Variants in WARS2 observed in about 807,000 individuals in gnomAD.
The protein encoded by WARS2 is tryptophan--tRNA ligase, mitochondrial.
WARS2 carries 28 observed loss-of-function variants against 36.5 expected under a neutral mutation model. The ratio of observed to expected loss-of-function variants is 0.77; its 90% CI spans 0.57 to 1.05. The LOEUF is 1.05. Among genes scored for constraint, WARS2 ranks in the 50% least tolerant of loss-of-function variants. The probability of loss-of-function intolerance (pLI) is 0.00; values close to 1 mark genes in which losing one functional copy is unlikely to be tolerated. For missense variants in WARS2, 435 were observed against 456.8 expected (o/e 0.95, Z 0.44); for synonymous variants, 174 against 178.4 (o/e 0.98, Z 0.20).
At chr1:119,117,826 A>C (rs1363098046) in intron 1 of WARS2, among the ~76,000 whole-genome samples, 5 of 152,106 alleles carry the variant, frequency 3.3e-5, no homozygotes, top group Admixed American at 3.3e-4. Flanking sequence ...CCAGAAAAGC[A>C]ATAACAATAA....
At chr1:119,092,019 G>A (rs922185620) in intron 1 of WARS2, among the ~76,000 whole-genome samples, 14 of 152,156 alleles carry the variant, frequency 9.2e-5, no homozygotes, top group Admixed American at 3.3e-4. Context: ...TAAACTGCCC[G>A]GTTTGAACTA....
intron 2 of WARS2, among the ~76,000 whole-genome samples, chr1:119,070,874 A>G (rs752288255): frequency 5.9e-5 from 9 of 152,126 alleles, no homozygotes; most frequent in Non-Finnish European, 1.2e-4. Flanking sequence ...CACACTTGTT[A>G]AAATGACTAT....
At chr1:119,056,186 ATTT>A (rs751264352) in intron 2 of WARS2, among the ~76,000 whole-genome samples, 1 of 116,170 alleles carries the variant, frequency 8.6e-6, no homozygotes, top group Non-Finnish European at 1.7e-5. Context: ...TGCCTGGCTA[ATTT>A]TTTTTTTTTT....
Position 119,042,170 on chromosome 1 carries a change from C to T in WARS2, c.515+94G>A, listed in dbSNP as rs181825950. On this transcript the variant is annotated intron_variant, in intron 4 of 5. Transcript: ENST00000235521. Reference sequence around the variant, plus strand: ...CAGATGTCTGACGCTTTCTGCACTTCCCCTTGCCCATGAACCAAGTCTGTA... The same window carrying T: ...CAGATGTCTGACGCTTTCTGCACTTTCCCTTGCCCATGAACCAAGTCTGTA... 5.2e-5 allele frequency: 59 copies of T among 1,132,276 alleles called. 1 individual carries two copies. The East Asian group carries it at 1.3e-3, about 24-fold the overall frequency. The allele number at this position is 1,132,276 out of a possible 1,614,324, so 70.1% of individuals were successfully genotyped here.
At chr1:119,107,732 G>A (rs962179452) in intron 1 of WARS2, among the ~76,000 whole-genome samples, 4 of 151,948 alleles carry the variant, frequency 2.6e-5, no homozygotes, top group Non-Finnish European at 4.4e-5. Flanking sequence ...GTTGAAAAGG[G>A]GTGGTGACAT....
At chr1:119,042,885 C>T (rs141335058) in intron 3 of WARS2, among the ~76,000 whole-genome samples, 2 of 152,258 alleles carry the variant, frequency 1.3e-5, no homozygotes, top group African/African-American at 4.8e-5. Flanking sequence ...GAGAAATATT[C>T]ATCTAACCAA....
rs1571355692 is a variant in WARS2 at position 119,099,224 on chromosome 1, G to A, written c.91-22617C>T. ...CACATACCCCACGAGACACCCAAGA[G>A]CACTCCTAATTCAGCAAGGACAGAA... On this transcript the variant is annotated intron_variant, in intron 1 of 5. Coordinates refer to ENST00000235521, the MANE Select transcript of WARS2 (RefSeq NM_015836.4). Among the ~76,000 whole-genome samples the A allele has an allele frequency of 2.0e-5, 3 of 152,220 alleles. 1 individual carries two copies. The South Asian group carries it at 6.2e-4, about 32-fold the overall frequency.
At chr1:119,120,400 A>G (rs1655253513) in intron 1 of WARS2, among the ~76,000 whole-genome samples, 1 of 152,000 alleles carries the variant, frequency 6.6e-6, no homozygotes, top group South Asian at 2.1e-4. Flanking sequence ...TGAGATTGAA[A>G]CAGTAATAAA....
chr1:119,053,582 C>A (rs1485843898), intron 2 of WARS2, among the ~76,000 whole-genome samples: 2 of 151,980 alleles, frequency 1.3e-5, no homozygotes, highest in East Asian at 3.9e-4. Context: ...TTTGATAGCC[C>A]CAGGAACTTA....
At chr1:119,078,507 T>C (rs1651911459) in intron 1 of WARS2, among the ~76,000 whole-genome samples, 1 of 152,200 alleles carries the variant, frequency 6.6e-6, no homozygotes, top group African/African-American at 2.4e-5. Context: ...GTATTAGCAG[T>C]CTTTTTATTT....
At chr1:119,140,296 C>T (rs1290575710) in intron 1 of WARS2, 1 of 359,014 alleles carries the variant, frequency 2.8e-6, no homozygotes, top group African/African-American at 2.1e-5. Context: ...CGGCGGCGCT[C>T]CGCTCCCAGA....
intron 1 of WARS2, among the ~76,000 whole-genome samples, chr1:119,104,344 A>C (rs1389286553): frequency 6.6e-6 from 1 of 151,258 alleles, no homozygotes; most frequent in Non-Finnish European, 1.5e-5. Context: ...CCTTTTGAGA[A>C]TCATATAACA....
intron 4 of WARS2, among the ~76,000 whole-genome samples, chr1:119,036,490 C>T (rs997290622): frequency 2.0e-5 from 3 of 152,176 alleles, no homozygotes; most frequent in Non-Finnish European, 2.9e-5. Context: ...GTGAGGCTGA[C>T]ATGCAGAGGT....
intron 1 of WARS2, among the ~76,000 whole-genome samples, chr1:119,102,516 T>C (rs1425693607): frequency 6.6e-6 from 1 of 152,242 alleles, no homozygotes; most frequent in Non-Finnish European, 1.5e-5. Context: ...TTCTGTGTTC[T>C]TCAGAATATT....
intron 1 of WARS2, among the ~76,000 whole-genome samples, chr1:119,091,602 G>A (rs990902671): frequency 2.6e-5 from 4 of 152,136 alleles, no homozygotes; most frequent in African/African-American, 9.7e-5. Context: ...CACTGCTCAC[G>A]CTAAAGATAA....
At chr1:119,061,338 A>G (rs1650361024) in intron 2 of WARS2, among the ~76,000 whole-genome samples, 1 of 152,238 alleles carries the variant, frequency 6.6e-6, no homozygotes, top group Non-Finnish European at 1.5e-5. Flanking sequence ...GAATAAACAG[A>G]TAGAAAATCT....
At chr1:119,045,769 A>G (rs1312160310) in intron 2 of WARS2, 107 bp from the exon 3 acceptor site, 5 of 898,726 alleles carry the variant, frequency 5.6e-6, no homozygotes, top group African/African-American at 1.7e-5. Context: ...ACCCCAAATT[A>G]AGGTTATTAT....
intron 2 of WARS2, among the ~76,000 whole-genome samples, chr1:119,073,560 A>G (rs1338024113): frequency 2.6e-5 from 4 of 152,354 alleles, no homozygotes; most frequent in African/African-American, 4.8e-5. Context: ...CAGGAGGTGA[A>G]TTATAAAACA....
intron 1 of WARS2, among the ~76,000 whole-genome samples, chr1:119,135,715 C>CAGATAGATAGATAGATAGAT (rs113027169): frequency 6.8e-6 from 1 of 146,966 alleles, no homozygotes; most frequent in Non-Finnish European, 1.5e-5. Flanking sequence ...ATTAGATAGA[C>CAGATAGATAGATAGATAGAT]AGATAGATAG....
Sources: allele counts gnomAD v4.1 joint callset (sites outside exome capture counted in the v4.1 genomes callset), GRCh38; gene constraint gnomAD v4.1.1; transcripts MANE v1.5; gene names NCBI Gene and HGNC (gene_info 2026-07-23, HGNC 2026-07-21).